SPATA9: variants seen among roughly 807,000 people sequenced by gnomAD.
The protein encoded by SPATA9 is spermatogenesis associated 9.
Under a neutral mutation model 25.5 loss-of-function variants are expected in SPATA9, and 27 were observed. The observed-to-expected ratio is 1.06, with a 90% CI of 0.78 to 1.46. SPATA9 has a LOEUF of 1.46. Among genes scored for constraint, SPATA9 ranks in the 40% most tolerant of loss-of-function variants. SPATA9 has a pLI of 0.00. For missense variants in SPATA9, 282 were observed against 297.5 expected (o/e 0.95, Z 0.38); for synonymous variants, 102 against 105.7 (o/e 0.97, Z 0.21).
In SPATA9 at chr5:95,675,561, G is replaced by A. The variant is rs369357734; in HGVS notation, c.229C>T (p.Arg77Cys). The A allele has an allele frequency of 4.3e-6, 7 of 1,614,108 alleles. No individual in the cohort carries two copies. The highest frequency in any genetic ancestry group is 1.6e-4 in the Middle Eastern group (1 of 6,062). ...GATCTGGATATGCTGTTTAATCCAC[G>A]AATTAATGTTGCTCGATTAATCTTA... ...LAKINRATLI[R>C]GLNSISRSSK... Residue 77 changes from arginine to cysteine, a missense_variant, in exon 3 of 5, where the codon CGT (arginine) becomes TGT (cysteine). By Grantham distance (180) the Arg-to-Cys change is radical. Transcript: ENST00000274432.
chr5:95,711,279 T>C, the SPATA9 span, among the ~76,000 whole-genome samples: 36,930 of 151,892 alleles, frequency 0.24, 4,698 homozygotes, highest in East Asian at 0.5. Flanking sequence ...AAGGAAGTGC[T>C]TTCTGGCCTC....
intron 3 of SPATA9, among the ~76,000 whole-genome samples, chr5:95,667,484 T>A (rs1437081083): frequency 6.6e-6 from 1 of 152,110 alleles, no homozygotes; most frequent in Non-Finnish European, 1.5e-5. Flanking sequence ...TGGAAAGAGT[T>A]TCCAGGAAAT....
intron 1 of SPATA9, 62 bp from the exon 2 acceptor site, chr5:95,682,678 G>C: frequency 6.6e-7 from 1 of 1,526,618 alleles, no homozygotes; most frequent in Non-Finnish European, 9.0e-7. Flanking sequence ...TGTTTCAAAA[G>C]AACATGAAAC....
the SPATA9 span, among the ~76,000 whole-genome samples, chr5:95,718,186 T>A: frequency 6.6e-6 from 1 of 152,208 alleles, no homozygotes; most frequent in South Asian, 2.1e-4. Context: ...AAAAAGTTGC[T>A]TCTAGCCGTA....
chr5:95,719,123 C>T, the SPATA9 span, among the ~76,000 whole-genome samples: 439 of 151,842 alleles, frequency 2.9e-3, 2 homozygotes, highest in African/African-American at 7.5e-3. Context: ...TATCTGGGGT[C>T]GAGAGAAAGA....
chr5:95,678,372 A>G (rs2112662875), intron 2 of SPATA9, among the ~76,000 whole-genome samples: 1 of 152,270 alleles, frequency 6.6e-6, no homozygotes, highest in Admixed American at 6.5e-5. Context: ...GCGAGACTCC[A>G]TCTCAAAAAA....
chr5:95,702,405 G>A (rs1036815494), upstream of SPATA9, among the ~76,000 whole-genome samples: 4 of 152,152 alleles, frequency 2.6e-5, no homozygotes, highest in African/African-American at 9.7e-5. Flanking sequence ...ACAACTCTGG[G>A]AGAGAGGCCT....
chr5:95,710,956 C>A, the SPATA9 span, among the ~76,000 whole-genome samples: 9 of 152,136 alleles, frequency 5.9e-5, no homozygotes, highest in Admixed American at 1.3e-4. Flanking sequence ...GCTGCCTGAG[C>A]CACAAATGCC....
chr5:95,719,551 T>A, the SPATA9 span: 2 of 152,234 alleles, frequency 1.3e-5, no homozygotes, highest in Non-Finnish European at 2.9e-5. Context: ...AGTATTGGTC[T>A]AGCTCTGGAG....
chr5:95,664,701 C>T (rs1203244781), intron 3 of SPATA9, among the ~76,000 whole-genome samples: 1 of 152,122 alleles, frequency 6.6e-6, no homozygotes, highest in Non-Finnish European at 1.5e-5. Context: ...CCTTTGTTGC[C>T]TTGAGCAGGG....
intron 3 of SPATA9, among the ~76,000 whole-genome samples, chr5:95,669,852 C>T (rs774258925): frequency 2.0e-5 from 3 of 152,218 alleles, no homozygotes; most frequent in Non-Finnish European, 4.4e-5. Flanking sequence ...AGGAAATTCT[C>T]TACTAAGAGT....
intron 2 of SPATA9, among the ~76,000 whole-genome samples, chr5:95,680,017 C>T (rs1753298972): frequency 1.3e-5 from 2 of 152,224 alleles, no homozygotes; most frequent in Non-Finnish European, 2.9e-5. Context: ...CCTGCCTCAG[C>T]CTCCCGAGGA....
intron 2 of SPATA9, among the ~76,000 whole-genome samples, chr5:95,679,288 C>T (rs1753213951): frequency 6.6e-6 from 1 of 152,184 alleles, no homozygotes. Flanking sequence ...TACTACTGTG[C>T]TGGCCTGAGC....
chr5:95,682,950 T>TGGGAAAG lies in SPATA9; in HGVS notation c.-97_-96insCTTTCCC. The stretch of plus-strand genomic sequence containing the variant: ...CATTAGTGAAAGATGAGGGTAGCCT[T>TGGGAAAG]CCACTTGGGAAAGCCAGCAAGGACA... On this transcript the variant is annotated 5_prime_UTR_variant, in exon 1 of 5. Coordinates refer to ENST00000274432, the MANE Select transcript of SPATA9 (RefSeq NM_031952.4). 1 of 1,395,752 alleles carries TGGGAAAG rather than the reference T, an allele frequency of 7.2e-7. No individual in the cohort carries two copies. The highest frequency in any genetic ancestry group is 2.5e-5 in the East Asian group (1 of 39,322). The allele number at this position is 1,395,752 out of a possible 1,614,324, so 86.5% of individuals were successfully genotyped here. A position where few individuals can be genotyped will look rare whatever the true frequency, so the allele number is the denominator to read the frequency against.
chr5:95,674,666 G>A (rs769272380), intron 3 of SPATA9: 13 of 420,866 alleles, frequency 3.1e-5, no homozygotes, highest in Non-Finnish European at 5.7e-5. Context: ...GAAAGGATCC[G>A]GAAGGTATCG....
At chr5:95,702,249 A>G (rs956339863), upstream of SPATA9, among the ~76,000 whole-genome samples, 2 of 152,144 alleles carry the variant, frequency 1.3e-5, no homozygotes, top group Non-Finnish European at 2.9e-5. Flanking sequence ...TTTTCATGTT[A>G]TCTTCAAATT....
intron 2 of SPATA9, among the ~76,000 whole-genome samples, chr5:95,676,973 T>C (rs1168731509): frequency 1.3e-5 from 2 of 152,170 alleles, no homozygotes; most frequent in Non-Finnish European, 2.9e-5. Flanking sequence ...AGTTTTTAGG[T>C]GTCTGGGATT....
upstream of SPATA9, among the ~76,000 whole-genome samples, chr5:95,683,967 G>A (rs558773642): frequency 1.1e-4 from 16 of 152,294 alleles, no homozygotes; most frequent in Non-Finnish European, 2.2e-4. Context: ...GCTGCTGAAA[G>A]TGTCTTCATG....
At chr5:95,665,388 T>TG (rs1751685916) in intron 3 of SPATA9, among the ~76,000 whole-genome samples, 1 of 152,228 alleles carries the variant, frequency 6.6e-6, no homozygotes. Context: ...ACCTAGTCTC[T>TG]GGTAACCACT....
Sources: allele counts gnomAD v4.1 joint callset (sites outside exome capture counted in the v4.1 genomes callset), GRCh38; gene constraint gnomAD v4.1.1; transcripts MANE v1.5; gene names NCBI Gene and HGNC (gene_info 2026-07-23, HGNC 2026-07-21).